Variants in CSMD1 observed in about 807,000 individuals in gnomAD.
CSMD1 encodes CUB and Sushi multiple domains 1.
A neutral mutation model predicts 417.5 loss-of-function variants in CSMD1; 213 were observed. The observed-to-expected ratio is 0.51, with a 90% confidence interval of 0.46 to 0.57. The LOEUF is 0.57. Among genes scored for constraint, CSMD1 ranks in the 20% least tolerant of loss-of-function variants. The pLI is 0.00. For synonymous variants in CSMD1, 2,862 were observed against 1,736.8 expected (o/e 1.65, Z -16.11); for missense variants, 6,923 against 4,529.7 (o/e 1.53, Z -15.17).
At chr8:4,165,499 G>A (rs773879272) in intron 3 of CSMD1, among the ~76,000 whole-genome samples, 1 of 152,190 alleles carries the variant, frequency 6.6e-6, no homozygotes, top group Admixed American at 6.5e-5. Flanking sequence ...AAGTGCCCAA[G>A]CTCAAGTCAT....
At chr8:3,271,718 T>TCA (rs1188164014) in intron 26 of CSMD1, among the ~76,000 whole-genome samples, 1 of 152,212 alleles carries the variant, frequency 6.6e-6, no homozygotes. Flanking sequence ...TTTGGCTGCA[T>TCA]AAATGTCTTC....
intron 5 of CSMD1, among the ~76,000 whole-genome samples, chr8:3,934,574 G>T (rs112288651): frequency 5.9e-5 from 9 of 152,068 alleles, no homozygotes; most frequent in Non-Finnish European, 8.8e-5. Flanking sequence ...GGTATATTTG[G>T]CCAGGCGCGG....
In CSMD1 at chr8:3,314,548, T is replaced by C. The variant is rs568101402; in HGVS notation, c.3632-6045A>G. Reference sequence around the variant, plus strand: ...TGTGTCAAAGCACTATTAAGTATTATTACAATCAAAACTTGAATGTATTTA... The same window carrying C: ...TGTGTCAAAGCACTATTAAGTATTACTACAATCAAAACTTGAATGTATTTA... On this transcript the variant is annotated intron_variant, in intron 23 of 69. Transcript: ENST00000635120. Among the ~76,000 whole-genome samples, 4 of 152,338 alleles carry C rather than the reference T, an allele frequency of 2.6e-5. No individual in the cohort carries two copies. In the South Asian group the frequency reaches 8.3e-4, roughly 32 times the overall value.
intron 68 of CSMD1, among the ~76,000 whole-genome samples, chr8:2,945,822 T>A (rs1802194835): frequency 6.6e-6 from 1 of 152,204 alleles, no homozygotes; most frequent in African/African-American, 2.4e-5. Flanking sequence ...CAATGATAAA[T>A]CAAACAGTGT....
intron 4 of CSMD1, among the ~76,000 whole-genome samples, chr8:4,001,484 C>T (rs1027507096): frequency 2.6e-5 from 4 of 152,152 alleles, no homozygotes; most frequent in African/African-American, 4.8e-5. Flanking sequence ...ATTTTAACAG[C>T]TGACAGAACT....
chr8:4,355,599 CAGA>C (rs573104528), intron 3 of CSMD1, among the ~76,000 whole-genome samples: 86 of 152,226 alleles, frequency 5.6e-4, no homozygotes, highest in African/African-American at 2.0e-3. Context: ...AGTGTTCAGA[CAGA>C]AGAATAACTG....
Position 2,936,218 on chromosome 8 carries a change from G to C in CSMD1, c.*2367C>G, listed in dbSNP as rs1801452392. On this transcript the variant is annotated 3_prime_UTR_variant, in exon 70 of 70. Coordinates refer to ENST00000635120, the MANE Select transcript of CSMD1 (RefSeq NM_033225.6). ...AAAATCATATCTAATTTGATATGTG[G>C]TTTCTTGTATGTATGTATGTCCTGT... The C allele has an allele frequency of 6.8e-6, 1 of 147,346 alleles. No homozygotes were observed. The highest frequency in any genetic ancestry group is 1.5e-5 in the Non-Finnish European group (1 of 66,792). 9.1% of individuals were successfully genotyped at this position (147,346 alleles called of 1,614,324 possible).
intron 49 of CSMD1, among the ~76,000 whole-genome samples, chr8:3,081,569 C>T (rs1262280011): frequency 2.0e-5 from 3 of 152,134 alleles, no homozygotes; most frequent in African/African-American, 7.2e-5. Flanking sequence ...TTAACATTTG[C>T]ATTAGTAATT....
intron 10 of CSMD1, among the ~76,000 whole-genome samples, chr8:3,536,692 G>C (rs901713191): frequency 6.6e-5 from 10 of 152,284 alleles, no homozygotes; most frequent in African/African-American, 2.2e-4. Flanking sequence ...AATAGGATCT[G>C]TGCCCTCAGA....
chr8:3,164,552 T>A (rs1820095484), intron 37 of CSMD1, among the ~76,000 whole-genome samples: 1 of 152,200 alleles, frequency 6.6e-6, no homozygotes. Context: ...TTTTCTTTCC[T>A]ACCACATATT....
At chr8:3,683,990 C>T (rs550158729) in intron 7 of CSMD1, among the ~76,000 whole-genome samples, 7 of 151,482 alleles carry the variant, frequency 4.6e-5, no homozygotes, top group South Asian at 2.1e-4. Context: ...TATGAAGTAA[C>T]TCATTAGAAC....
chr8:4,403,623 CT>C (rs1804810643), intron 3 of CSMD1, among the ~76,000 whole-genome samples: 1 of 152,172 alleles, frequency 6.6e-6, no homozygotes, highest in South Asian at 2.1e-4. Context: ...TTTTCACCAT[CT>C]GGTCTACTTA....
chr8:4,065,217 G>A (rs541291766), intron 3 of CSMD1, among the ~76,000 whole-genome samples: 4 of 152,084 alleles, frequency 2.6e-5, no homozygotes, highest in Non-Finnish European at 5.9e-5. Flanking sequence ...AAAGAAAATA[G>A]TCCTAAACAC....
intron 5 of CSMD1, among the ~76,000 whole-genome samples, chr8:3,985,274 T>G (rs1814233175): frequency 1.3e-5 from 2 of 152,310 alleles, no homozygotes; most frequent in African/African-American, 4.8e-5. Context: ...TCCCACACCA[T>G]GCACAAAGCA....
chr8:4,888,640 T>G (rs375670909), intron 1 of CSMD1, among the ~76,000 whole-genome samples: 17 of 152,146 alleles, frequency 1.1e-4, no homozygotes, highest in East Asian at 5.8e-4. Context: ...GGTAAACAGA[T>G]CTTCACCATA....
At chr8:3,775,151 G>A (rs367841238) in intron 5 of CSMD1, among the ~76,000 whole-genome samples, 9 of 152,174 alleles carry the variant, frequency 5.9e-5, no homozygotes, top group African/African-American at 2.2e-4. Flanking sequence ...AGATAAGGAG[G>A]AACTACTGTA....
chr8:3,785,673 G>T (rs62479706), intron 5 of CSMD1, among the ~76,000 whole-genome samples: 1 of 152,212 alleles, frequency 6.6e-6, no homozygotes, highest in Non-Finnish European at 1.5e-5. Flanking sequence ...CCCTGAGGGT[G>T]AGTGTGGGCT....
chr8:4,888,789 A>G (rs10105452), intron 1 of CSMD1, among the ~76,000 whole-genome samples: 144,322 of 152,102 alleles, frequency 0.95, 68,638 homozygotes, highest in East Asian at 1. Flanking sequence ...ATCACAGGAC[A>G]TATCAAAAGG....
intron 10 of CSMD1, among the ~76,000 whole-genome samples, chr8:3,497,958 C>G (rs1016129695): frequency 6.6e-6 from 1 of 152,190 alleles, no homozygotes; most frequent in African/African-American, 2.4e-5. Flanking sequence ...GAAGGGCTCC[C>G]ATAAGCATTT....
Sources: gnomAD v4.1 joint callset for allele counts (sites outside exome capture counted in the v4.1 genomes callset) on GRCh38, gnomAD v4.1.1 for gene constraint, MANE v1.5 for transcripts, NCBI Gene and HGNC (gene_info 2026-07-23, HGNC 2026-07-21) for gene names.